Variants in EEIG2 observed in about 807,000 individuals in gnomAD.
The protein encoded by EEIG2 is family with sequence similarity 102 member B.
At chr1:108,621,206 A>G in the EEIG2 span, among the ~76,000 whole-genome samples, 1 of 152,244 alleles carries the variant, frequency 6.6e-6, no homozygotes, top group Non-Finnish European at 1.5e-5. Context: ...TACTTGACCC[A>G]CATTAAGTGA....
the EEIG2 span, among the ~76,000 whole-genome samples, chr1:108,612,704 C>G: frequency 6.6e-6 from 1 of 152,226 alleles, no homozygotes; most frequent in Non-Finnish European, 1.5e-5. Flanking sequence ...ATGGAACCCA[C>G]TTCTGGGCAT....
At chr1:108,616,124 C>CTT in the EEIG2 span, among the ~76,000 whole-genome samples, 43 of 129,722 alleles carry the variant, frequency 3.3e-4, 1 homozygote, top group Non-Finnish European at 3.6e-4. Flanking sequence ...CCCACTTCTT[C>CTT]TTTTTTTTTT....
chr1:108,609,420 G>A, the EEIG2 span, among the ~76,000 whole-genome samples: 1 of 152,174 alleles, frequency 6.6e-6, no homozygotes, highest in Admixed American at 6.5e-5. Flanking sequence ...GGGGTAAGGG[G>A]TGGAAGGCGG....
At chr1:108,579,532 G>A in the EEIG2 span, among the ~76,000 whole-genome samples, 4 of 147,386 alleles carry the variant, frequency 2.7e-5, no homozygotes, top group Non-Finnish European at 6.0e-5. Context: ...ACAGATCAAC[G>A]AGACAGAAAG....
At chr1:108,638,516 T>C in the EEIG2 span, 5 of 152,216 alleles carry the variant, frequency 3.3e-5, no homozygotes, top group African/African-American at 1.2e-4. Flanking sequence ...GCTTCCAGTA[T>C]ATATAGCAAC....
At chr1:108,629,792 A>C in the EEIG2 span, 1 of 703,312 alleles carries the variant, frequency 1.4e-6, no homozygotes, top group Non-Finnish European at 2.6e-6. Context: ...ACATGCGAAG[A>C]GTTACAGCTC....
At chr1:108,606,926 G>T in the EEIG2 span, among the ~76,000 whole-genome samples, 3 of 152,240 alleles carry the variant, frequency 2.0e-5, no homozygotes, top group South Asian at 6.2e-4. Flanking sequence ...GCCTCCCAAA[G>T]TGCTGAGATT....
At chr1:108,565,284 G>T in the EEIG2 span, among the ~76,000 whole-genome samples, 1 of 152,186 alleles carries the variant, frequency 6.6e-6, no homozygotes, top group African/African-American at 2.4e-5. Flanking sequence ...AAGTCATAGA[G>T]TGTACTTACA....
At chr1:108,599,808 A>T in the EEIG2 span, among the ~76,000 whole-genome samples, 1 of 152,234 alleles carries the variant, frequency 6.6e-6, no homozygotes, top group Non-Finnish European at 1.5e-5. Flanking sequence ...CCTGGACAAC[A>T]TAGCCAAACC....
chr1:108,568,056 T>G, the EEIG2 span, among the ~76,000 whole-genome samples: 1 of 152,148 alleles, frequency 6.6e-6, no homozygotes, highest in African/African-American at 2.4e-5. Context: ...CACTTTTTTT[T>G]TCAAGATGTG....
the EEIG2 span, among the ~76,000 whole-genome samples, chr1:108,593,838 C>T: frequency 6.6e-6 from 1 of 152,148 alleles, no homozygotes. Flanking sequence ...TAAAGCCTCG[C>T]TCTGTTGCCC....
chr1:108,628,745 A>G, the EEIG2 span: 2 of 1,613,492 alleles, frequency 1.2e-6, no homozygotes, highest in Non-Finnish European at 1.7e-6. Flanking sequence ...GTGGATGCAG[A>G]TGACATTGTA....
the EEIG2 span, among the ~76,000 whole-genome samples, chr1:108,599,664 A>G: frequency 1.3e-5 from 2 of 152,138 alleles, no homozygotes; most frequent in African/African-American, 4.8e-5. Context: ...CTCCTACTTA[A>G]ATGACCTTGA....
the EEIG2 span, among the ~76,000 whole-genome samples, chr1:108,600,069 C>T: frequency 2.0e-5 from 3 of 152,158 alleles, no homozygotes; most frequent in Non-Finnish European, 2.9e-5. Context: ...ATGGTAAGCT[C>T]TCAATAAATG....
chr1:108,618,836 C>A, the EEIG2 span, among the ~76,000 whole-genome samples: 42 of 141,420 alleles, frequency 3.0e-4, no homozygotes, highest in Middle Eastern at 3.5e-3. Flanking sequence ...GCCCCTGTCT[C>A]AAAAAAAAAA....
chr1:108,586,900 T>A, the EEIG2 span, among the ~76,000 whole-genome samples: 2 of 152,206 alleles, frequency 1.3e-5, no homozygotes, highest in African/African-American at 4.8e-5. Context: ...AAAAGTAAAG[T>A]CTCTTTGGAA....
the EEIG2 span, among the ~76,000 whole-genome samples, chr1:108,607,095 G>A: frequency 6.6e-6 from 1 of 152,156 alleles, no homozygotes; most frequent in Non-Finnish European, 1.5e-5. Context: ...ACAAAACAAG[G>A]AGATGTGAGA....
At chr1:108,632,946 A>ACTT in the EEIG2 span, among the ~76,000 whole-genome samples, 1 of 132,212 alleles carries the variant, frequency 7.6e-6, no homozygotes, top group Non-Finnish European at 1.6e-5. Context: ...CATGCCCAGC[A>ACTT]TTTTTTTTTT....
chr1:108,629,644 C>G, the EEIG2 span: 1 of 1,610,562 alleles, frequency 6.2e-7, no homozygotes, highest in Non-Finnish European at 8.5e-7. Flanking sequence ...TGGCAGTCAT[C>G]ATCTTCCAAA....
Sources: allele counts gnomAD v4.1 joint callset (sites outside exome capture counted in the v4.1 genomes callset), GRCh38; gene constraint gnomAD v4.1.1; transcripts MANE v1.5; gene names NCBI Gene and HGNC (gene_info 2026-07-23, HGNC 2026-07-21).